The following NDST1 variants were observed in gnomAD, a reference collection of about 807,000 sequenced individuals.
NDST1 encodes N-deacetylase and N-sulfotransferase 1.
Under a neutral mutation model 92.8 loss-of-function variants are expected in NDST1, and 35 were observed. That is an observed-to-expected ratio of 0.38 (90% CI 0.29 to 0.50). The LOEUF (loss-of-function observed/expected upper bound fraction) is 0.50, where lower values mean the gene tolerates loss of function less well. Ranked by LOEUF, NDST1 falls within the 20% of genes least tolerant of loss-of-function variation. The probability of loss-of-function intolerance (pLI) is 0.94; values close to 1 mark genes in which losing one functional copy is unlikely to be tolerated. For synonymous variants in NDST1, 493 were observed against 500.3 expected (o/e 0.99, Z 0.19); for missense variants, 822 against 1,182.7 (o/e 0.69, Z 4.47).
intron 14 of NDST1, among the ~76,000 whole-genome samples, chr5:150,552,901 C>T (rs1362054930): frequency 6.6e-6 from 1 of 152,136 alleles, no homozygotes; most frequent in African/African-American, 2.4e-5. Context: ...GGCTGGAGTG[C>T]AATCGCGTGA....
Position 150,534,867 on chromosome 5 carries a change from G to A in NDST1, c.1097G>A (p.Gly366Asp). The A allele has an allele frequency of 6.2e-7, 1 of 1,614,288 alleles. No homozygotes were observed. Among genetic ancestry groups the A allele is most frequent in the Non-Finnish European group, 8.5e-7 (1 of 1,180,056 alleles). Residue 366 changes from glycine to aspartate, a missense_variant and splice_region_variant, in exon 5 of 15, where the codon GGT (glycine) becomes GAT (aspartate). Transcript: ENST00000261797. ...TTCTGAGCTGCCTGTGTTGCTGCAG[G>A]TACCAATGCTGAGGACGCTGGGGAT... ...LGYSGKFFHTGTNAEDAGDDL... is the reference protein window; with the variant it reads ...LGYSGKFFHTDTNAEDAGDDL...
chr5:150,534,564 A>G (rs1166164017), intron 4 of NDST1, among the ~76,000 whole-genome samples: 2 of 152,270 alleles, frequency 1.3e-5, no homozygotes, highest in African/African-American at 4.8e-5. Flanking sequence ...CAGAGCAGGT[A>G]TGTCAGAGGT....
chr5:150,503,948 C>T (rs1413478394), upstream of NDST1, among the ~76,000 whole-genome samples: 2 of 152,130 alleles, frequency 1.3e-5, no homozygotes, highest in Non-Finnish European at 2.9e-5. Context: ...GGGCTCTGGA[C>T]AGGGCTGATG....
chr5:150,552,792 G>A (rs1405529390), intron 14 of NDST1, among the ~76,000 whole-genome samples: 3 of 152,184 alleles, frequency 2.0e-5, no homozygotes, highest in African/African-American at 7.2e-5. Flanking sequence ...GAAGGAGATT[G>A]TGGATAAATA....
intron 1 of NDST1, among the ~76,000 whole-genome samples, chr5:150,499,654 G>A (rs987405011): frequency 2.0e-5 from 3 of 152,242 alleles, no homozygotes; most frequent in African/African-American, 4.8e-5. Context: ...ATTTGCTAGA[G>A]GCCTCTGGGT....
chr5:150,511,234 G>C (rs571427472), intron 1 of NDST1, among the ~76,000 whole-genome samples: 5 of 152,354 alleles, frequency 3.3e-5, no homozygotes, highest in African/African-American at 1.2e-4. Context: ...ATGCCGCGTA[G>C]CAGATTCACA....
intron 6 of NDST1, among the ~76,000 whole-genome samples, chr5:150,537,569 C>T (rs1176319155): frequency 6.6e-6 from 1 of 152,216 alleles, no homozygotes; most frequent in African/African-American, 2.4e-5. Flanking sequence ...GTTGTCTGCT[C>T]TCAAACCCTG....
At chr5:150,538,750 C>T (rs1755104493) in intron 6 of NDST1, among the ~76,000 whole-genome samples, 1 of 152,186 alleles carries the variant, frequency 6.6e-6, no homozygotes, top group African/African-American at 2.4e-5. Flanking sequence ...CAACCCTGAA[C>T]TCCAGGGATG....
chr5:150,503,606 G>A (rs1753324142), upstream of NDST1, among the ~76,000 whole-genome samples: 1 of 152,208 alleles, frequency 6.6e-6, no homozygotes, highest in Non-Finnish European at 1.5e-5. Flanking sequence ...TTGAATAGGA[G>A]CATGCCAGGC....
chr5:150,499,176 T>C (rs972857153), intron 1 of NDST1, among the ~76,000 whole-genome samples: 2 of 152,240 alleles, frequency 1.3e-5, no homozygotes, highest in Non-Finnish European at 2.9e-5. Flanking sequence ...ATTTGCCCTA[T>C]GGGCAGATTT....
chr5:150,506,028 G>A (rs1478851158), upstream of NDST1, among the ~76,000 whole-genome samples: 1 of 152,206 alleles, frequency 6.6e-6, no homozygotes, highest in Non-Finnish European at 1.5e-5. Flanking sequence ...TGTGTAAGAA[G>A]GCCGGGCCTA....
intron 10 of NDST1, among the ~76,000 whole-genome samples, chr5:150,544,809 C>T (rs1308298227): frequency 6.6e-6 from 1 of 152,146 alleles, no homozygotes; most frequent in Non-Finnish European, 1.5e-5. Context: ...AGCAGGAGGT[C>T]CTGGTCCACA....
chr5:150,533,820 C>T lies in NDST1; in HGVS notation c.1096+788C>T, dbSNP rs368493555. Among the ~76,000 whole-genome samples, 40 of 152,052 alleles carry T rather than the reference C, an allele frequency of 2.6e-4. No individual in the cohort carries two copies. The South Asian group carries it at 3.5e-3, about 13-fold the overall frequency. On this transcript the variant is annotated intron_variant, in intron 4 of 14. Coordinates refer to ENST00000261797, the MANE Select transcript of NDST1 (RefSeq NM_001543.5). The stretch of plus-strand genomic sequence containing the variant: ...ATTTTTGGCTGGGCGCTGTGGCTCA[C>T]GCCTGTAATCCCAGCACTTTGGGAG...
At chr5:150,545,249 G>A (rs1039410249) in intron 10 of NDST1, 63 bp from the exon 11 acceptor site, 2 of 1,584,814 alleles carry the variant, frequency 1.3e-6, no homozygotes, top group Admixed American at 1.7e-5. Context: ...CCCTTGTGCT[G>A]CATTCCCTTA....
At chr5:150,540,617 A>G (rs1175591368) in intron 8 of NDST1, among the ~76,000 whole-genome samples, 1 of 152,168 alleles carries the variant, frequency 6.6e-6, no homozygotes, top group Non-Finnish European at 1.5e-5. Flanking sequence ...GGAGTTCAAG[A>G]TCAGCCTGGG....
Position 150,545,336 on chromosome 5 carries a change from T to G in NDST1, c.1995T>G (p.Pro665=), listed in dbSNP as rs1259973050. Residue 665 remains proline (P), a synonymous_variant, in exon 11 of 15, where the codon CCT becomes CCG. Coordinates refer to ENST00000261797, the MANE Select transcript of NDST1 (RefSeq NM_001543.5). ...IDWYMEFFPI[P]SNTTSDFYFE... The stretch of plus-strand genomic sequence containing the variant: ...GGTACATGGAGTTCTTCCCCATCCC[T>G]TCCAACACCACCTCCGACTTCTACT... 2 of 1,614,126 alleles carry G rather than the reference T, an allele frequency of 1.2e-6. No homozygotes were observed. The highest frequency in any genetic ancestry group is 1.7e-5 in the Admixed American group (1 of 60,008).
At position 150,556,861 on chromosome 5, in the gene NDST1, T is replaced by C. The variant is rs1189249221; in HGVS notation, c.*3529T>C. 1.3e-5 allele frequency: 2 copies of C among 152,644 alleles called. No individual in the cohort carries two copies. Among genetic ancestry groups the C allele is most frequent in the Non-Finnish European group, 2.9e-5 (2 of 68,046 alleles). The allele number at this position is 152,644 out of a possible 1,614,324, so 9.5% of individuals were successfully genotyped here. On this transcript the variant is annotated 3_prime_UTR_variant, in exon 15 of 15. Coordinates refer to ENST00000261797, the MANE Select transcript of NDST1 (RefSeq NM_001543.5). Reference sequence around the variant, plus strand: ...ATCCAGTCACGGTGCACACATTGCATTTTCTAACTATGTTTTTAAAACCTC... The same window carrying C: ...ATCCAGTCACGGTGCACACATTGCACTTTCTAACTATGTTTTTAAAACCTC...
chr5:150,549,981 C>T (rs1374328828), intron 13 of NDST1, among the ~76,000 whole-genome samples, 194 bp downstream of exon 13: 2 of 152,082 alleles, frequency 1.3e-5, no homozygotes, highest in African/African-American at 4.8e-5. Context: ...ATCTGTTCTA[C>T]TCTGGTCAGA....
intron 1 of NDST1, among the ~76,000 whole-genome samples, chr5:150,518,094 T>C (rs748222501): frequency 2.6e-5 from 4 of 152,188 alleles, no homozygotes; most frequent in Non-Finnish European, 4.4e-5. Context: ...TGCTCTCAGC[T>C]AGAATTGCAG....
Sources: allele counts gnomAD v4.1 joint callset (sites outside exome capture counted in the v4.1 genomes callset), GRCh38; gene constraint gnomAD v4.1.1; transcripts MANE v1.5; gene names NCBI Gene and HGNC (gene_info 2026-07-23, HGNC 2026-07-21).